The following TYR variants were observed in gnomAD, a reference collection of about 807,000 sequenced individuals.
The protein encoded by TYR is LB24-AB.
A neutral mutation model predicts 51.5 loss-of-function variants in TYR; 58 were observed. That is an observed-to-expected ratio of 1.13 (90% CI 0.91 to 1.40). The LOEUF (loss-of-function observed/expected upper bound fraction) is 1.40, where lower values mean the gene tolerates loss of function less well. TYR is among the 40% of genes most tolerant of loss of function. TYR has a pLI of 0.00. For synonymous variants in TYR, 263 were observed against 235.2 expected (o/e 1.12, Z -1.08); for missense variants, 732 against 647.4 (o/e 1.13, Z -1.42).
intron 3 of TYR, chr11:89,283,618 T>A (rs1387277076): frequency 6.6e-6 from 1 of 151,834 alleles, no homozygotes; most frequent in Non-Finnish European, 1.5e-5. Context: ...CTTAGAGTTA[T>A]ACAGCCAGAT....
intron 2 of TYR, among the ~76,000 whole-genome samples, chr11:89,199,493 G>A (rs949391908): frequency 5.9e-5 from 9 of 152,162 alleles, no homozygotes; most frequent in African/African-American, 2.2e-4. Flanking sequence ...GAGAGAAAGA[G>A]AGAAACTTCC....
At position 89,178,543 on chromosome 11, in the gene TYR, A is replaced by G; in HGVS notation, c.590A>G (p.Asp197Gly). Reference sequence around the variant, plus strand: ...CTTGGGGGATCTGAAATCTGGAGAGACATTGATTTTGCCCATGAAGCACCA... The same window carrying G: ...CTTGGGGGATCTGAAATCTGGAGAGGCATTGATTTTGCCCATGAAGCACCA... ...ALLGGSEIWRDIDFAHEAPAF... is the reference protein window; with the variant it reads ...ALLGGSEIWRGIDFAHEAPAF... Residue 197 changes from aspartate to glycine, a missense_variant, in exon 1 of 5, where the codon GAC becomes GGC. Coordinates refer to ENST00000263321, the MANE Select transcript of TYR (RefSeq NM_000372.5). 6.2e-7 allele frequency: 1 copy of G among 1,614,168 alleles called. No homozygotes were observed. Among genetic ancestry groups the G allele is most frequent in the Non-Finnish European group, 8.5e-7 (1 of 1,180,016 alleles).
At chr11:89,198,135 C>T (rs77542790) in intron 2 of TYR, among the ~76,000 whole-genome samples, 2,532 of 151,934 alleles carry the variant, frequency 0.017, 60 homozygotes, top group African/African-American at 0.057. Context: ...GAAAAGCCAG[C>T]TGGAAAACTA....
At chr11:89,288,552 T>G (rs1024167160) in intron 4 of TYR, among the ~76,000 whole-genome samples, 2 of 152,064 alleles carry the variant, frequency 1.3e-5, no homozygotes, top group African/African-American at 4.8e-5. Context: ...CCAATTAAAT[T>G]TAAAGAAACA....
intron 3 of TYR, among the ~76,000 whole-genome samples, chr11:89,268,924 A>C (rs1466224272): frequency 6.6e-6 from 1 of 151,846 alleles, no homozygotes. Context: ...TAATTTACTC[A>C]TCCAATTTAA....
chr11:89,278,798 C>T (rs1944687483), intron 3 of TYR, among the ~76,000 whole-genome samples: 1 of 151,654 alleles, frequency 6.6e-6, no homozygotes, highest in African/African-American at 2.4e-5. Flanking sequence ...ATATCTTCTT[C>T]TGCTCCAGGA....
intron 3 of TYR, among the ~76,000 whole-genome samples, chr11:89,281,033 T>C (rs1944715903): frequency 6.6e-6 from 1 of 151,754 alleles, no homozygotes; most frequent in Non-Finnish European, 1.5e-5. Flanking sequence ...TGGTAAAGTA[T>C]GAGAGAGGGG....
chr11:89,275,519 A>AT (rs1340030768), intron 3 of TYR, among the ~76,000 whole-genome samples: 2 of 151,820 alleles, frequency 1.3e-5, no homozygotes, highest in East Asian at 3.9e-4. Flanking sequence ...CTTTGACTCA[A>AT]TTTTTTCTTC....
chr11:89,275,455 C>G (rs1012773141), intron 3 of TYR, among the ~76,000 whole-genome samples: 10 of 152,048 alleles, frequency 6.6e-5, no homozygotes, highest in Admixed American at 6.6e-4. Context: ...TAAAATGGAA[C>G]CCCAGATCTT....
chr11:89,250,123 T>C (rs1005340012), intron 3 of TYR, among the ~76,000 whole-genome samples: 1 of 151,976 alleles, frequency 6.6e-6, no homozygotes, highest in Non-Finnish European at 1.5e-5. Flanking sequence ...ATTAGACAAA[T>C]CATCCATTAT....
At chr11:89,286,065 TTG>T (rs1944782599) in intron 4 of TYR, among the ~76,000 whole-genome samples, 1 of 151,822 alleles carries the variant, frequency 6.6e-6, no homozygotes, top group Admixed American at 6.6e-5. Flanking sequence ...AGTAAGACAA[TTG>T]TGCAAGGAAG....
chr11:89,229,176 C>A (rs1380839866), intron 3 of TYR, among the ~76,000 whole-genome samples: 1 of 152,002 alleles, frequency 6.6e-6, no homozygotes. Flanking sequence ...TGACCATTAT[C>A]CAGGAAAATC....
intron 3 of TYR, among the ~76,000 whole-genome samples, chr11:89,244,789 A>G (rs1333665543): frequency 6.6e-6 from 1 of 152,252 alleles, no homozygotes; most frequent in Non-Finnish European, 1.5e-5. Flanking sequence ...ACTAACATTA[A>G]GTACCCTTTA....
At chr11:89,272,108 C>T (rs1048889098) in intron 3 of TYR, among the ~76,000 whole-genome samples, 3 of 151,898 alleles carry the variant, frequency 2.0e-5, no homozygotes, top group African/African-American at 7.2e-5. Context: ...TGGCCACCTC[C>T]CATGAAAATT....
At chr11:89,205,129 C>A (rs1156601249) in intron 2 of TYR, among the ~76,000 whole-genome samples, 5 of 151,734 alleles carry the variant, frequency 3.3e-5, no homozygotes, top group African/African-American at 9.7e-5. Context: ...GTAAAAGTCT[C>A]AATACTAGGT....
At chr11:89,267,121 A>G (rs1348584228) in intron 3 of TYR, among the ~76,000 whole-genome samples, 1 of 151,942 alleles carries the variant, frequency 6.6e-6, no homozygotes, top group Non-Finnish European at 1.5e-5. Context: ...ATGTCACATG[A>G]AAGTTGATGC....
At chr11:89,225,160 A>G (rs924963635) in intron 2 of TYR, among the ~76,000 whole-genome samples, 5 of 151,932 alleles carry the variant, frequency 3.3e-5, no homozygotes, top group African/African-American at 1.2e-4. Context: ...AAAATTTATA[A>G]ATAAAAATTG....
At chr11:89,244,977 A>G (rs778376011) in intron 3 of TYR, among the ~76,000 whole-genome samples, 5 of 152,202 alleles carry the variant, frequency 3.3e-5, no homozygotes, top group Non-Finnish European at 4.4e-5. Flanking sequence ...AAGAGCACCA[A>G]AGAACGGGGA....
intron 3 of TYR, among the ~76,000 whole-genome samples, chr11:89,270,139 T>G (rs1944571962): frequency 6.6e-6 from 1 of 151,912 alleles, no homozygotes; most frequent in South Asian, 2.1e-4. Flanking sequence ...CACATATACC[T>G]ACAGATATCC....
Sources: gnomAD v4.1 joint callset for allele counts (sites outside exome capture counted in the v4.1 genomes callset) on GRCh38, gnomAD v4.1.1 for gene constraint, MANE v1.5 for transcripts, NCBI Gene and HGNC (gene_info 2026-07-23, HGNC 2026-07-21) for gene names.